The following CACNA1C variants were observed in gnomAD, a reference collection of about 807,000 sequenced individuals.
CACNA1C encodes the protein voltage-dependent L-type calcium channel subunit alpha-1C.
A neutral mutation model predicts 229.0 loss-of-function variants in CACNA1C; 30 were observed. The ratio of observed to expected loss-of-function variants is 0.13; its 90% CI spans 0.10 to 0.18. The LOEUF is 0.18. CACNA1C is among the 10% of genes least tolerant of loss of function. The probability of loss-of-function intolerance (pLI) is 1.00; values close to 1 mark genes in which losing one functional copy is unlikely to be tolerated. For synonymous variants in CACNA1C, 1,114 were observed against 1,132.5 expected (o/e 0.98, Z 0.33); for missense variants, 1,658 against 2,845.0 (o/e 0.58, Z 9.49).
intron 30 of CACNA1C, among the ~76,000 whole-genome samples, chr12:2,637,568 T>C (rs1389596777): frequency 6.6e-6 from 1 of 152,228 alleles, no homozygotes; most frequent in East Asian, 1.9e-4. Context: ...GGCTTGACCC[T>C]GGGCTCACAT....
At chr12:2,009,455 A>G (rs1250342457) in intron 1 of CACNA1C, among the ~76,000 whole-genome samples, 1 of 152,216 alleles carries the variant, frequency 6.6e-6, no homozygotes, top group Non-Finnish European at 1.5e-5. Flanking sequence ...TTAAAACACA[A>G]ATACACAGTC....
At chr12:2,311,648 G>A (rs765165705) in intron 3 of CACNA1C, among the ~76,000 whole-genome samples, 7 of 152,198 alleles carry the variant, frequency 4.6e-5, no homozygotes, top group African/African-American at 9.6e-5. Context: ...TATGTCAGAC[G>A]TCAGAGGCTT....
chr12:2,407,984 G>A (rs932593447), intron 3 of CACNA1C, among the ~76,000 whole-genome samples: 2 of 152,186 alleles, frequency 1.3e-5, no homozygotes, highest in Non-Finnish European at 2.9e-5. Context: ...AGGCCAAGTG[G>A]GGAACCTCAA....
At position 2,633,787 on chromosome 12, in the gene CACNA1C, ACT is replaced by A. The variant is rs1269537041; in HGVS notation, c.3829-503_3829-502del. The A allele has an allele frequency of 1.6e-5, 12 of 767,616 alleles. No individual in the cohort carries two copies. Among genetic ancestry groups the A allele is most frequent in the South Asian group, 1.5e-4 (9 of 60,058 alleles). The allele number at this position is 767,616 out of a possible 1,614,324, so 47.6% of individuals were successfully genotyped here. ...TGCCTCGTCTATTTCTCTCTCTCTC[ACT>A]CTCTCTGTTTACCTTCTTTTATGTT... On this transcript the variant is annotated intron_variant, in intron 29 of 46. Coordinates refer to ENST00000399655, the MANE Select transcript of CACNA1C (RefSeq NM_000719.7). The surrounding 1 kb of genome is among the most constrained non-coding windows in gnomAD (Gnocchi z 5.8).
At position 2,504,860 on chromosome 12, in the gene CACNA1C, A is replaced by G. The variant is rs1251839506; in HGVS notation, c.1132A>G (p.Arg378Gly). 3 of 1,593,980 alleles carry G rather than the reference A, an allele frequency of 1.9e-6. No individual in the cohort carries two copies. The highest frequency in any genetic ancestry group is 1.7e-5 in the Admixed American group (1 of 59,876). Reference sequence around the variant, plus strand: ...CTTCCAGGTCAATGATGCCGTAGGAAGGGACTGGCCCTGGATCTATTTTGT... The same window carrying G: ...CTTCCAGGTCAATGATGCCGTAGGAGGGGACTGGCCCTGGATCTATTTTGT... ...VLYWVNDAVG[R>G]DWPWIYFVTL... Residue 378 changes from arginine to glycine, a missense_variant, in exon 8 of 47, where the codon AGG (arginine) becomes GGG (glycine). Physicochemically the swap from Arg to Gly is moderately radical, Grantham distance 125. Transcript: ENST00000399655. The surrounding 1 kb of genome is among the most constrained non-coding windows in gnomAD (Gnocchi z 6.8).
intron 43 of CACNA1C, among the ~76,000 whole-genome samples, chr12:2,684,329 G>A (rs999419118): frequency 3.3e-5 from 5 of 152,270 alleles, no homozygotes; most frequent in Admixed American, 1.3e-4. Flanking sequence ...GGGGTGACAG[G>A]CCTTCTACTT....
chr12:2,450,340 GTCAGGAGA>G (rs1488851085), intron 4 of CACNA1C, among the ~76,000 whole-genome samples: 2 of 151,948 alleles, frequency 1.3e-5, no homozygotes, highest in Non-Finnish European at 2.9e-5. Flanking sequence ...GGATCACGAG[GTCAGGAGA>G]TCGAGACCAT....
chr12:2,503,678 A>G (rs1293522196), intron 7 of CACNA1C, among the ~76,000 whole-genome samples: 2 of 152,188 alleles, frequency 1.3e-5, no homozygotes, highest in Non-Finnish European at 2.9e-5. Flanking sequence ...AGCTCCCCTC[A>G]GCCCCCAGGA....
intron 1 of CACNA1C, among the ~76,000 whole-genome samples, chr12:2,040,221 G>C (rs1043670022): frequency 1.3e-5 from 2 of 152,010 alleles, no homozygotes; most frequent in African/African-American, 4.8e-5. Context: ...AACTATCAAA[G>C]ATGGCTTAAA....
At chr12:2,572,297 T>TTCCTCCTCC (rs144703116) in intron 13 of CACNA1C, among the ~76,000 whole-genome samples, 3 of 111,804 alleles carry the variant, frequency 2.7e-5, no homozygotes, top group Admixed American at 2.0e-4. Flanking sequence ...TTGATTATTA[T>TTCCTCCTCC]TCCTCCTCCT....
At chr12:2,393,697 G>A (rs1260079208) in intron 3 of CACNA1C, among the ~76,000 whole-genome samples, 1 of 152,180 alleles carries the variant, frequency 6.6e-6, no homozygotes, top group Non-Finnish European at 1.5e-5. Flanking sequence ...ATTCTCTCTG[G>A]TTTAAATCCT....
intron 1 of CACNA1C, chr12:1,992,938 C>G: frequency 3.4e-6 from 2 of 587,878 alleles, no homozygotes; most frequent in Non-Finnish European, 6.0e-6. Context: ...ATGTGTGTGT[C>G]TCTGCAGTCT....
chr12:2,567,848 A>G, intron 13 of CACNA1C, 54 bp downstream of exon 13: 1 of 1,149,022 alleles, frequency 8.7e-7, no homozygotes. Flanking sequence ...AAGTTCTTCC[A>G]GAGGGCAAGG....
chr12:2,558,710 C>G (rs2045872841), intron 11 of CACNA1C, among the ~76,000 whole-genome samples: 1 of 152,234 alleles, frequency 6.6e-6, no homozygotes, highest in Non-Finnish European at 1.5e-5. Flanking sequence ...CAACTCCCCA[C>G]CAACCTCTTG....
rs940514911 is a variant in CACNA1C, at chr12:2,678,820, G to C, written c.5092-624G>C. ...TCTGATGTCAAGGGTTGGAACAACC[G>C]TGCAAATAGCTACTTGCCCACTTCC... On this transcript the variant is annotated intron_variant, in intron 41 of 46. Coordinates refer to ENST00000399655, the MANE Select transcript of CACNA1C (RefSeq NM_000719.7). This position sits in a 1 kb window ranked among gnomAD's most constrained non-coding sequence, Gnocchi z 4.1. Among the ~76,000 whole-genome samples, 3 of 152,224 alleles carry C rather than the reference G, an allele frequency of 2.0e-5. No individual in the cohort carries two copies. Among genetic ancestry groups the C allele is most frequent in the African/African-American group, 7.2e-5 (3 of 41,464 alleles).
intron 3 of CACNA1C, among the ~76,000 whole-genome samples, chr12:2,163,097 C>A (rs2095988289): frequency 2.7e-5 from 4 of 150,938 alleles, no homozygotes. Context: ...ACTTGGGAGG[C>A]TGAGGCAGGA....
chr12:2,559,266 AT>A (rs1260460867), intron 11 of CACNA1C, among the ~76,000 whole-genome samples: 2 of 152,272 alleles, frequency 1.3e-5, no homozygotes, highest in African/African-American at 4.8e-5. Context: ...TGAGTAAATC[AT>A]AAATTAATAA....
chr12:2,493,594 C>G lies in CACNA1C; in HGVS notation c.1113+208C>G, dbSNP rs942529178. Among the ~76,000 whole-genome samples, 2 of 152,188 alleles carry G rather than the reference C, an allele frequency of 1.3e-5. No individual in the cohort carries two copies. Among genetic ancestry groups the G allele is most frequent in the Non-Finnish European group, 2.9e-5 (2 of 68,046 alleles). ...CACCCTAACGAGTCCCCTCCCCCAC[C>G]CGCCAGCCTTAGGGGAAGGTCATTT... On this transcript the variant is annotated intron_variant, in intron 7 of 46. Transcript: ENST00000399655. The surrounding 1 kb of genome is among the most constrained non-coding windows in gnomAD (Gnocchi z 4.6).
intron 3 of CACNA1C, among the ~76,000 whole-genome samples, chr12:2,165,590 C>T (rs190439758): frequency 1.8e-4 from 28 of 151,922 alleles, no homozygotes; most frequent in East Asian, 9.6e-4. Flanking sequence ...TGGTAGATGG[C>T]GGGATGAACA....
Sources: gnomAD v4.1 joint callset for allele counts (sites outside exome capture counted in the v4.1 genomes callset) on GRCh38, gnomAD v4.1.1 for gene constraint, Gnocchi (gnomAD v3.1) non-coding constraint, MANE v1.5 for transcripts, NCBI Gene and HGNC (gene_info 2026-07-23, HGNC 2026-07-21) for gene names.